Variants in GABRB2 observed in about 807,000 individuals in gnomAD.
GABRB2 encodes the protein gamma-aminobutyric acid type A receptor subunit beta2.
Under a neutral mutation model 54.7 loss-of-function variants are expected in GABRB2, and 16 were observed. The ratio of observed to expected loss-of-function variants is 0.29; its 90% CI spans 0.20 to 0.44. The LOEUF (loss-of-function observed/expected upper bound fraction) is 0.44. Among genes scored for constraint, GABRB2 ranks in the 20% least tolerant of loss-of-function variants. The pLI, the probability that GABRB2 is intolerant of heterozygous loss-of-function variation, is 1.00. For missense variants in GABRB2, 355 were observed against 644.0 expected, an observed-to-expected ratio of 0.55 and a Z score of 4.86; for synonymous variants, 244 against 233.8, an observed-to-expected ratio of 1.04 and a Z score of -0.40.
At chr5:161,303,705 G>C (rs1263190798) in intron 9 of GABRB2, among the ~76,000 whole-genome samples, 1 of 152,140 alleles carries the variant, frequency 6.6e-6, no homozygotes, top group African/African-American at 2.4e-5. Context: ...GCTGCCAAGA[G>C]AACTGACACC....
intron 5 of GABRB2, among the ~76,000 whole-genome samples, chr5:161,352,234 C>G (rs1399747895): frequency 6.6e-6 from 1 of 151,872 alleles, no homozygotes. Flanking sequence ...ATTAGTATGA[C>G]AACAAAATAC....
chr5:161,304,866 T>C (rs906940419), intron 9 of GABRB2, among the ~76,000 whole-genome samples: 16 of 152,166 alleles, frequency 1.1e-4, no homozygotes, highest in African/African-American at 3.6e-4. Context: ...CCTCTTATTA[T>C]AAAGTACAGG....
At chr5:161,332,048 C>T (rs1294508702) in intron 7 of GABRB2, among the ~76,000 whole-genome samples, 3 of 151,422 alleles carry the variant, frequency 2.0e-5, no homozygotes, top group African/African-American at 4.9e-5. Context: ...CGCCTGTAGT[C>T]CCAGCTACTC....
chr5:161,515,438 T>G (rs904534024), intron 3 of GABRB2, among the ~76,000 whole-genome samples: 1 of 152,170 alleles, frequency 6.6e-6, no homozygotes, highest in South Asian at 2.1e-4. Flanking sequence ...ACTGTAGCTA[T>G]GAGAAACTCA....
intron 3 of GABRB2, among the ~76,000 whole-genome samples, chr5:161,481,540 A>T (rs1758761835): frequency 1.3e-5 from 2 of 152,166 alleles, no homozygotes; most frequent in African/African-American, 2.4e-5. Flanking sequence ...ACATGGCACA[A>T]ATATCACTTA....
intron 9 of GABRB2, among the ~76,000 whole-genome samples, chr5:161,317,750 T>G (rs1489083917): frequency 6.6e-6 from 1 of 152,052 alleles, no homozygotes; most frequent in Admixed American, 6.6e-5. Context: ...TAATATTTTA[T>G]TATACCTAGA....
chr5:161,452,718 G>A (rs1468013656), intron 4 of GABRB2, among the ~76,000 whole-genome samples: 1 of 151,974 alleles, frequency 6.6e-6, no homozygotes, highest in Non-Finnish European at 1.5e-5. Flanking sequence ...TGTAGGCCAA[G>A]CACAGAAGAT....
intron 3 of GABRB2, among the ~76,000 whole-genome samples, chr5:161,528,744 A>G (rs920993501): frequency 1.3e-5 from 2 of 151,900 alleles, no homozygotes; most frequent in African/African-American, 2.4e-5. Context: ...GTACATCTAA[A>G]ATGATTTTGT....
intron 9 of GABRB2, among the ~76,000 whole-genome samples, chr5:161,313,026 AC>A (rs962840828): frequency 6.6e-6 from 1 of 152,226 alleles, no homozygotes; most frequent in Non-Finnish European, 1.5e-5. Context: ...TTTCTACTGC[AC>A]CGGAATGGTT....
intron 3 of GABRB2, among the ~76,000 whole-genome samples, chr5:161,468,874 A>G (rs1758355166): frequency 6.6e-6 from 1 of 152,024 alleles, no homozygotes; most frequent in African/African-American, 2.4e-5. Flanking sequence ...CTGTTCATCA[A>G]TATAAAATTG....
At position 161,546,669 on chromosome 5, in the gene GABRB2, G is replaced by T. The variant is rs763213008; in HGVS notation, c.-26C>A. 1 of 1,572,038 alleles carries T rather than the reference G, an allele frequency of 6.4e-7. No individual in the cohort carries two copies. Among genetic ancestry groups the T allele is most frequent in the Non-Finnish European group, 8.6e-7 (1 of 1,157,052 alleles). On this transcript the variant is annotated 5_prime_UTR_variant, in exon 1 of 10. Coordinates refer to ENST00000393959, the MANE Select transcript of GABRB2 (RefSeq NM_001371727.1). ...CCCTTTAGTTTTTGATGGAATTGAG[G>T]GTTTCACTGAAGAGAGGAGATCCAA... is the stretch of plus-strand genomic sequence containing the variant.
chr5:161,360,994 G>T (rs751569579), intron 5 of GABRB2, among the ~76,000 whole-genome samples: 5 of 151,852 alleles, frequency 3.3e-5, no homozygotes, highest in South Asian at 2.1e-4. Context: ...TGGGTAGCAC[G>T]GTGAGACCCC....
At position 161,288,612 on chromosome 5, in the gene GABRB2, C is replaced by T. The variant is rs1757149632; in HGVS notation, c.*5469G>A. On this transcript the variant is annotated 3_prime_UTR_variant, in exon 10 of 10. Coordinates refer to ENST00000393959, the MANE Select transcript of GABRB2 (RefSeq NM_001371727.1). Reference sequence around the variant, plus strand: ...CATGTATCCCAGAGATTTTAATAGTCCTGTTTTTAGAAAGACATGAAAATA... The same window carrying T: ...CATGTATCCCAGAGATTTTAATAGTTCTGTTTTTAGAAAGACATGAAAATA... 6.6e-6 allele frequency: 1 copy of T among 152,460 alleles called. No homozygotes were observed. Among genetic ancestry groups the T allele is most frequent in the Admixed American group, 6.6e-5 (1 of 15,260 alleles). The allele number at this position is 152,460 out of a possible 1,614,324, so 9.4% of individuals were successfully genotyped here.
chr5:161,521,556 C>T (rs984287919), intron 3 of GABRB2, among the ~76,000 whole-genome samples: 2 of 151,908 alleles, frequency 1.3e-5, no homozygotes, highest in Admixed American at 6.6e-5. Context: ...ATGTTCACCT[C>T]ACAGAAACGG....
At chr5:161,504,798 A>C (rs1231225049) in intron 3 of GABRB2, among the ~76,000 whole-genome samples, 3 of 151,776 alleles carry the variant, frequency 2.0e-5, no homozygotes, top group African/African-American at 7.3e-5. Flanking sequence ...AAGGAATTAA[A>C]AAAAAAAAAG....
chr5:161,538,829 A>C (rs1760725196), intron 3 of GABRB2, among the ~76,000 whole-genome samples: 1 of 152,024 alleles, frequency 6.6e-6, no homozygotes, highest in Admixed American at 6.6e-5. Flanking sequence ...CTCAAAAGAA[A>C]AAAAAAAAAG....
chr5:161,456,530 A>C (rs905478663), intron 4 of GABRB2, among the ~76,000 whole-genome samples: 1 of 152,200 alleles, frequency 6.6e-6, no homozygotes, highest in African/African-American at 2.4e-5. Flanking sequence ...GCCAGTACAT[A>C]AGCAGGACAG....
At chr5:161,324,122 G>T (rs1758296619) in intron 9 of GABRB2, among the ~76,000 whole-genome samples, 1 of 152,130 alleles carries the variant, frequency 6.6e-6, no homozygotes. Flanking sequence ...ATAGCTATTA[G>T]AAATGGTGTA....
chr5:161,459,533 G>C, intron 4 of GABRB2, 91 bp downstream of exon 4: 2 of 1,089,684 alleles, frequency 1.8e-6, no homozygotes, highest in Non-Finnish European at 2.8e-6. Flanking sequence ...ATTGAAGAAA[G>C]ATAAGGAAAA....
Sources: gnomAD v4.1 joint callset for allele counts (sites outside exome capture counted in the v4.1 genomes callset) on GRCh38, gnomAD v4.1.1 for gene constraint, MANE v1.5 for transcripts, NCBI Gene and HGNC (gene_info 2026-07-23, HGNC 2026-07-21) for gene names.